Variants in PPARGC1A observed in about 807,000 individuals in gnomAD.
PPARGC1A encodes the protein PPARG coactivator 1 alpha.
A neutral mutation model predicts 88.7 loss-of-function variants in PPARGC1A; 25 were observed. The observed-to-expected ratio is 0.28, with a 90% CI of 0.21 to 0.39. The LOEUF (loss-of-function observed/expected upper bound fraction) is 0.39. Among genes scored for constraint, PPARGC1A ranks in the 10% least tolerant of loss-of-function variants. PPARGC1A has a pLI of 1.00. For synonymous variants in PPARGC1A, 363 were observed against 355.6 expected (o/e 1.02, Z -0.24); for missense variants, 880 against 968.7 (o/e 0.91, Z 1.22).
chr4:24,120,239 G>A, the PPARGC1A span, among the ~76,000 whole-genome samples: 1 of 152,100 alleles, frequency 6.6e-6, no homozygotes, highest in African/African-American at 2.4e-5. Context: ...CGAGTCCCAG[G>A]GATGTCATGG....
At chr4:23,972,034 G>A in the PPARGC1A span, among the ~76,000 whole-genome samples, 3 of 152,040 alleles carry the variant, frequency 2.0e-5, no homozygotes, top group Non-Finnish European at 4.4e-5. Flanking sequence ...AGCATGTTAT[G>A]GCTGCCAAGT....
At chr4:24,228,335 C>T in the PPARGC1A span, among the ~76,000 whole-genome samples, 4 of 152,154 alleles carry the variant, frequency 2.6e-5, no homozygotes, top group East Asian at 7.7e-4. Context: ...AAATTATATC[C>T]TTTGCAACAA....
At chr4:24,308,292 C>T in the PPARGC1A span, among the ~76,000 whole-genome samples, 183 of 12,018 alleles carry the variant, frequency 0.015, 1 homozygote, top group African/African-American at 0.058. Flanking sequence ...ACTCTGCCAC[C>T]GAAAAAAAAA....
chr4:24,027,083 G>A, the PPARGC1A span, among the ~76,000 whole-genome samples: 1 of 151,976 alleles, frequency 6.6e-6, no homozygotes, highest in South Asian at 2.1e-4. Context: ...GTAACAGAAA[G>A]GACTTTCAAG....
At chr4:23,902,780 CA>C (rs1310781063), upstream of PPARGC1A, among the ~76,000 whole-genome samples, 4 of 152,118 alleles carry the variant, frequency 2.6e-5, no homozygotes, top group Non-Finnish European at 4.4e-5. Context: ...CTCTCTCTTC[CA>C]AGGGAGAAAA....
At chr4:24,274,068 G>C in the PPARGC1A span, among the ~76,000 whole-genome samples, 1 of 151,950 alleles carries the variant, frequency 6.6e-6, no homozygotes, top group African/African-American at 2.4e-5. Flanking sequence ...CTGTGGGGCA[G>C]CAACTTCTTG....
the PPARGC1A span, among the ~76,000 whole-genome samples, chr4:24,318,114 T>C: frequency 6.6e-6 from 1 of 152,116 alleles, no homozygotes; most frequent in Non-Finnish European, 1.5e-5. Flanking sequence ...CTGAAGCCAG[T>C]GTTGTGCTAT....
chr4:24,403,419 C>T, the PPARGC1A span, among the ~76,000 whole-genome samples: 372 of 152,348 alleles, frequency 2.4e-3, 2 homozygotes, highest in African/African-American at 8.4e-3. Context: ...AATCACACTG[C>T]GTACTCGCAG....
the PPARGC1A span, among the ~76,000 whole-genome samples, chr4:23,913,960 G>A: frequency 6.6e-6 from 1 of 152,174 alleles, no homozygotes; most frequent in Non-Finnish European, 1.5e-5. Context: ...TGAAGCACTC[G>A]CAGAGTAGTA....
chr4:24,361,367 G>T, the PPARGC1A span, among the ~76,000 whole-genome samples: 2 of 152,188 alleles, frequency 1.3e-5, no homozygotes, highest in Admixed American at 1.3e-4. Flanking sequence ...AAACTGCAAA[G>T]TTCCTATAAC....
At chr4:23,810,101 C>T (rs1477279232) in intron 10 of PPARGC1A, among the ~76,000 whole-genome samples, 1 of 152,196 alleles carries the variant, frequency 6.6e-6, no homozygotes, top group Non-Finnish European at 1.5e-5. Context: ...AGCTTTCACT[C>T]ATGTTCAATA....
chr4:23,931,238 C>T, the PPARGC1A span, among the ~76,000 whole-genome samples: 1 of 151,988 alleles, frequency 6.6e-6, no homozygotes, highest in Admixed American at 6.6e-5. Context: ...AGAACCACAG[C>T]AGGGAAACTC....
At chr4:24,001,509 A>G in the PPARGC1A span, among the ~76,000 whole-genome samples, 1 of 152,288 alleles carries the variant, frequency 6.6e-6, no homozygotes, top group South Asian at 2.1e-4. Flanking sequence ...AAACATAGCA[A>G]CAATTTAGCA....
chr4:24,212,744 A>G, the PPARGC1A span, among the ~76,000 whole-genome samples: 1 of 152,220 alleles, frequency 6.6e-6, no homozygotes, highest in South Asian at 2.1e-4. Flanking sequence ...AAAGCCAGCA[A>G]GCATCTGCTT....
chr4:23,840,940 T>C (rs958207292), intron 2 of PPARGC1A, among the ~76,000 whole-genome samples: 3 of 152,072 alleles, frequency 2.0e-5, no homozygotes, highest in African/African-American at 7.2e-5. Context: ...GGCAAGCAAG[T>C]GATATATTCT....
intron 2 of PPARGC1A, chr4:23,883,425 C>G (rs937829372): frequency 3.9e-5 from 6 of 152,176 alleles, no homozygotes; most frequent in African/African-American, 1.4e-4. Flanking sequence ...CTTGATATGT[C>G]TTTGTAAAGG....
chr4:24,294,965 C>A, the PPARGC1A span, among the ~76,000 whole-genome samples: 1 of 152,190 alleles, frequency 6.6e-6, no homozygotes, highest in East Asian at 1.9e-4. Context: ...CCAGCATCAG[C>A]AAGCCCATGG....
At chr4:24,055,539 G>A in the PPARGC1A span, among the ~76,000 whole-genome samples, 3 of 152,218 alleles carry the variant, frequency 2.0e-5, no homozygotes, top group Non-Finnish European at 2.9e-5. Flanking sequence ...TTTCATGGGA[G>A]CACAGATATA....
chr4:24,209,606 T>C, the PPARGC1A span, among the ~76,000 whole-genome samples: 1 of 152,144 alleles, frequency 6.6e-6, no homozygotes, highest in African/African-American at 2.4e-5. Flanking sequence ...AGCTAGTAGA[T>C]TTTTCTATGA....
Sources: gnomAD v4.1 joint callset for allele counts (sites outside exome capture counted in the v4.1 genomes callset) on GRCh38, gnomAD v4.1.1 for gene constraint, MANE v1.5 for transcripts, NCBI Gene and HGNC (gene_info 2026-07-23, HGNC 2026-07-21) for gene names.